Variants in SYN2 observed in about 807,000 individuals in gnomAD.
SYN2 encodes the protein synapsin II, also known as synapsin-2.
Under a neutral mutation model 50.9 loss-of-function variants are expected in SYN2, and 19 were observed. That is an observed-to-expected ratio of 0.37 (90% confidence interval 0.26 to 0.55). The LOEUF is 0.55. Ranked by LOEUF, SYN2 falls within the 20% of genes least tolerant of loss-of-function variation. The probability of loss-of-function intolerance (pLI) is 0.81; values close to 1 mark genes in which losing one functional copy is unlikely to be tolerated. For synonymous variants in SYN2, 255 were observed against 224.9 expected (o/e 1.13, Z -1.20); for missense variants, 587 against 576.4 (o/e 1.02, Z -0.19).
At chr3:12,035,546 G>C (rs1259535225) in intron 1 of SYN2, among the ~76,000 whole-genome samples, 2 of 152,178 alleles carry the variant, frequency 1.3e-5, no homozygotes, top group Non-Finnish European at 2.9e-5. Context: ...TACATGTAAG[G>C]GTTTTTAAAG....
chr3:12,038,113 T>G (rs1368043390), intron 1 of SYN2, among the ~76,000 whole-genome samples: 1 of 152,330 alleles, frequency 6.6e-6, no homozygotes, highest in African/African-American at 2.4e-5. Flanking sequence ...ATTCATTCCT[T>G]AGCATGTGGA....
At chr3:12,028,271 A>G (rs1307994769) in intron 1 of SYN2, among the ~76,000 whole-genome samples, 2 of 151,906 alleles carry the variant, frequency 1.3e-5, no homozygotes, top group African/African-American at 2.4e-5. Context: ...AATCCAGTCT[A>G]TCATCGTTGG....
At chr3:12,119,138 G>T (rs1423479008) in intron 1 of SYN2, among the ~76,000 whole-genome samples, 1 of 151,758 alleles carries the variant, frequency 6.6e-6, no homozygotes, top group Non-Finnish European at 1.5e-5. Flanking sequence ...TATTTTAATA[G>T]ATCTGCCTAT....
At chr3:12,080,059 A>G (rs943669351) in intron 1 of SYN2, among the ~76,000 whole-genome samples, 14 of 152,020 alleles carry the variant, frequency 9.2e-5, no homozygotes, top group South Asian at 2.1e-4. Context: ...GAATTTATCA[A>G]TTTCTTCTAG....
intron 5 of SYN2, among the ~76,000 whole-genome samples, chr3:12,158,245 G>A (rs2125232149): frequency 6.6e-6 from 1 of 152,302 alleles, no homozygotes; most frequent in East Asian, 1.9e-4. Flanking sequence ...GTGTGAGGGA[G>A]GGCATTCCAG....
rs184374734 is a variant in SYN2 at position 12,075,276 on chromosome 3, T to A, written c.378-65375T>A. 1.9e-4 allele frequency among the ~76,000 whole-genome samples: 29 copies of A among 152,316 alleles called. No homozygotes were observed. The East Asian group carries it at 5.6e-3, about 29-fold the overall frequency. On this transcript the variant is annotated intron_variant, in intron 1 of 12. Coordinates refer to ENST00000621198, the MANE Select transcript of SYN2 (RefSeq NM_133625.6). ...TGCACCATTGCATTCTAAATTGTCC[T>A]AAGGTTGTCACAAAGGTTGTTTTCA...
intron 5 of SYN2, among the ~76,000 whole-genome samples, chr3:12,156,132 T>C (rs1697449502): frequency 6.6e-6 from 1 of 152,220 alleles, no homozygotes; most frequent in Non-Finnish European, 1.5e-5. Flanking sequence ...GGATAGATCG[T>C]GGAATCCCTT....
chr3:12,066,594 A>T (rs912125348), intron 1 of SYN2, among the ~76,000 whole-genome samples: 10 of 152,148 alleles, frequency 6.6e-5, no homozygotes, highest in African/African-American at 2.2e-4. Flanking sequence ...CAAATAATTC[A>T]CCTTCCTTAC....
At chr3:12,146,735 A>G (rs1292797621) in intron 4 of SYN2, among the ~76,000 whole-genome samples, 1 of 152,130 alleles carries the variant, frequency 6.6e-6, no homozygotes, top group Admixed American at 6.5e-5. Flanking sequence ...TTAGGCAGAT[A>G]GAAAAAGTGG....
At position 12,085,362 on chromosome 3, in the gene SYN2, C is replaced by T. The variant is rs1368877378; in HGVS notation, c.378-55289C>T. ...ATGATTGTTATGGAATACACACACA[C>T]ACACACACACACACACACGCACGCA... On this transcript the variant is annotated intron_variant, in intron 1 of 12. Transcript: ENST00000621198. Among the ~76,000 whole-genome samples, 865 of 117,510 alleles carry T rather than the reference C, an allele frequency of 7.4e-3. 11 individuals are homozygous for T. The highest frequency in any genetic ancestry group is 0.031 in the African/African-American group (802 of 26,100). The allele number at this position is 117,510 out of a possible 152,430, so 77.1% of individuals were successfully genotyped here.
chr3:12,050,711 C>CTTTT (rs57099569), intron 1 of SYN2, among the ~76,000 whole-genome samples: 1,557 of 50,536 alleles, frequency 0.031, 586 homozygotes, highest in Non-Finnish European at 0.052. Context: ...CTTCTCTTCT[C>CTTTT]TTTTTTTTTT....
At chr3:12,099,822 G>A (rs371012859) in intron 1 of SYN2, among the ~76,000 whole-genome samples, 25 of 151,810 alleles carry the variant, frequency 1.6e-4, no homozygotes, top group South Asian at 6.3e-4. Context: ...AAACTTAGCC[G>A]GGCGTAGTGG....
At chr3:12,069,661 C>G (rs1373466207) in intron 1 of SYN2, among the ~76,000 whole-genome samples, 1 of 152,060 alleles carries the variant, frequency 6.6e-6, no homozygotes, top group East Asian at 1.9e-4. Flanking sequence ...TCCAAGTGTA[C>G]CCATTTTACA....
chr3:12,159,003 C>T lies in SYN2; in HGVS notation c.775-2543C>T, dbSNP rs1008231198. On this transcript the variant is annotated intron_variant, in intron 5 of 12. Coordinates refer to ENST00000621198, the MANE Select transcript of SYN2 (RefSeq NM_133625.6). Reference sequence around the variant, plus strand: ...TCCGCCTTCCTTTGGCTCTAGGCCACCCGCGGAGGCAGGACCCGAGGCTCT... The same window carrying T: ...TCCGCCTTCCTTTGGCTCTAGGCCATCCGCGGAGGCAGGACCCGAGGCTCT... The T allele has an allele frequency of 6.7e-6, 7 of 1,037,724 alleles. No homozygotes were observed. In the African/African-American group the frequency reaches 1.0e-4, roughly 15 times the overall value. The allele number at this position is 1,037,724 out of a possible 1,614,324, so 64.3% of individuals were successfully genotyped here.
intron 1 of SYN2, among the ~76,000 whole-genome samples, chr3:12,123,282 C>T (rs1031953678): frequency 9.2e-5 from 14 of 152,080 alleles, no homozygotes; most frequent in African/African-American, 7.2e-5. Context: ...CTAGACACGT[C>T]GTAGTGAAGT....
chr3:12,108,638 G>A (rs1696250271), intron 1 of SYN2, among the ~76,000 whole-genome samples: 3 of 151,710 alleles, frequency 2.0e-5, no homozygotes, highest in Non-Finnish European at 4.4e-5. Context: ...TTTTGTAAAG[G>A]CCTTTTAATT....
At chr3:12,114,815 C>A (rs1306471844) in intron 1 of SYN2, among the ~76,000 whole-genome samples, 1 of 152,084 alleles carries the variant, frequency 6.6e-6, no homozygotes, top group African/African-American at 2.4e-5. Flanking sequence ...AGAAGAGAAC[C>A]GTAATGTAGG....
chr3:12,179,029 T>A (rs191275790), intron 10 of SYN2, among the ~76,000 whole-genome samples: 5 of 152,230 alleles, frequency 3.3e-5, no homozygotes, highest in Non-Finnish European at 7.4e-5. Context: ...TGACTCTATA[T>A]CTCTACGTAA....
chr3:12,067,617 A>G (rs76122423), intron 1 of SYN2, among the ~76,000 whole-genome samples: 17 of 40,400 alleles, frequency 4.2e-4, no homozygotes, highest in Non-Finnish European at 8.8e-4. Flanking sequence ...TCTTAACCAG[A>G]AAAAAAAAAA....
Sources: allele counts gnomAD v4.1 joint callset (sites outside exome capture counted in the v4.1 genomes callset), GRCh38; gene constraint gnomAD v4.1.1; transcripts MANE v1.5; gene names NCBI Gene and HGNC (gene_info 2026-07-23, HGNC 2026-07-21).